The following UBR1 variants were observed in gnomAD, a reference collection of about 807,000 sequenced individuals.
UBR1 encodes ubiquitin protein ligase E3 component n-recognin 1, also known as E3 ubiquitin-protein ligase UBR1.
UBR1 carries 102 observed loss-of-function variants against 242.1 expected under a neutral mutation model. The ratio of observed to expected loss-of-function variants is 0.42; its 90% CI spans 0.36 to 0.50. The LOEUF (loss-of-function observed/expected upper bound fraction) is 0.50. Ranked by LOEUF, UBR1 falls within the 20% of genes least tolerant of loss-of-function variation. UBR1 has a pLI of 0.01. For missense variants in UBR1, 1,772 were observed against 2,101.8 expected, an observed-to-expected ratio of 0.84 and a Z score of 3.07; for synonymous variants, 675 against 684.8, an observed-to-expected ratio of 0.99 and a Z score of 0.22.
chr15:42,997,170 C>T (rs183173344), intron 33 of UBR1, among the ~76,000 whole-genome samples: 1 of 152,268 alleles, frequency 6.6e-6, no homozygotes, highest in Admixed American at 6.5e-5. Context: ...CTCATAGGAG[C>T]GCAAACTCTA....
At chr15:43,056,242 T>C in intron 11 of UBR1, 102 bp downstream of exon 11, 2 of 950,694 alleles carry the variant, frequency 2.1e-6, no homozygotes, top group Non-Finnish European at 3.4e-6. Context: ...CCCAACTTAG[T>C]GATTCTAACA....
chr15:43,074,878 C>A, intron 4 of UBR1, 101 bp downstream of exon 4: 1 of 983,670 alleles, frequency 1.0e-6, no homozygotes, highest in Non-Finnish European at 1.6e-6. Flanking sequence ...AGAATAAAAA[C>A]AGCAGGGTTC....
intron 1 of UBR1, among the ~76,000 whole-genome samples, chr15:43,098,448 A>G (rs2034187301): frequency 6.6e-6 from 1 of 152,260 alleles, no homozygotes; most frequent in Non-Finnish European, 1.5e-5. Flanking sequence ...TTCAATTTGT[A>G]AAGAACTGAT....
chr15:42,948,033 C>T (rs1444103985), intron 46 of UBR1, among the ~76,000 whole-genome samples: 1 of 152,024 alleles, frequency 6.6e-6, no homozygotes, highest in Non-Finnish European at 1.5e-5. Flanking sequence ...GACTTCAAAC[C>T]ATACTACAAG....
intron 5 of UBR1, 147 bp from the exon 6 acceptor site, chr15:43,068,183 G>C: frequency 3.4e-6 from 1 of 294,268 alleles, no homozygotes; most frequent in Non-Finnish European, 6.1e-6. Context: ...TATAGAATTT[G>C]ATTTTTTTTT....
At chr15:42,951,222 C>A (rs1407183595) in intron 45 of UBR1, among the ~76,000 whole-genome samples, 3 of 152,122 alleles carry the variant, frequency 2.0e-5, no homozygotes, top group Admixed American at 1.3e-4. Flanking sequence ...ATATAAGTGA[C>A]TATTTTTCTT....
intron 1 of UBR1, 135 bp downstream of exon 1, chr15:43,105,807 G>C (rs1003489847): frequency 2.0e-5 from 16 of 804,172 alleles, no homozygotes; most frequent in Middle Eastern, 2.3e-4. Flanking sequence ...TTTTTATTCG[G>C]TGGCTTCCTT....
rs1195446217 is a variant in UBR1, at chr15:42,966,163, T to C, written c.4581A>G (p.Glu1527=). The change falls in exon 41 of 47, where the codon GAA becomes GAG. Residue 1527 remains glutamate, a synonymous_variant. Transcript: ENST00000290650. The part of the protein sequence containing the change: ...HYLLGVTPPE[E]LHTNSAEGEY... Reference sequence around the variant, plus strand: ...CATTTTTCTACTTACTGGTATGCAGTTCCTCAGGCGGAGTTACCCCAAGTA... The same window carrying C: ...CATTTTTCTACTTACTGGTATGCAGCTCCTCAGGCGGAGTTACCCCAAGTA... 6.2e-7 allele frequency: 1 copy of C among 1,614,018 alleles called. No individual in the cohort carries two copies. The highest frequency in any genetic ancestry group is 1.3e-5 in the African/African-American group (1 of 74,908).
intron 3 of UBR1, among the ~76,000 whole-genome samples, chr15:43,078,295 G>C (rs1338377035): frequency 2.0e-5 from 3 of 152,142 alleles, no homozygotes; most frequent in Non-Finnish European, 4.4e-5. Flanking sequence ...AACCCCTAAA[G>C]ATGTGGCAAT....
chr15:42,945,494 A>T, intron 46 of UBR1, 24 bp from the exon 47 acceptor site: 5 of 1,613,482 alleles, frequency 3.1e-6, no homozygotes, highest in Non-Finnish European at 4.2e-6. Context: ...AGAAAAAACA[A>T]CATGTAAGTT....
chr15:42,984,843 A>T (rs757117209), intron 36 of UBR1, 44 bp downstream of exon 36: 1 of 1,530,258 alleles, frequency 6.5e-7, no homozygotes, highest in South Asian at 1.1e-5. Context: ...GGGGGGAAAA[A>T]AGGCATGCCA....
intron 12 of UBR1, among the ~76,000 whole-genome samples, chr15:43,049,357 A>C (rs895245110): frequency 1.3e-5 from 2 of 152,136 alleles, no homozygotes; most frequent in African/African-American, 4.8e-5. Context: ...AGGTCAGGAG[A>C]TTGAGACCAT....
At position 42,958,135 on chromosome 15, in the gene UBR1, C is replaced by T. The variant is rs755920100; in HGVS notation, c.4758-45G>A. Reference sequence around the variant, plus strand: ...GCAATTTTATTTTAGAGTAAATAACCCCAGATCAAAAACTGCCCAAAGTGA... The same window carrying T: ...GCAATTTTATTTTAGAGTAAATAACTCCAGATCAAAAACTGCCCAAAGTGA... On this transcript the variant is annotated intron_variant, in intron 43 of 46. Transcript: ENST00000290650. The T allele has an allele frequency of 1.2e-5, 18 of 1,456,424 alleles. No individual in the cohort carries two copies. In the South Asian group the frequency reaches 1.8e-4, roughly 15 times the overall value. The allele number at this position is 1,456,424 out of a possible 1,614,324, so 90.2% of individuals were successfully genotyped here.
At chr15:42,945,495 C>T in intron 46 of UBR1, 25 bp from the exon 47 acceptor site, 1 of 1,613,202 alleles carries the variant, frequency 6.2e-7, no homozygotes, top group Non-Finnish European at 8.5e-7. Context: ...GAAAAAACAA[C>T]ATGTAAGTTT....
At chr15:42,967,923 AAATATATATTATG>A (rs1385496560) in intron 40 of UBR1, among the ~76,000 whole-genome samples, 2 of 150,300 alleles carry the variant, frequency 1.3e-5, no homozygotes, top group Non-Finnish European at 3.0e-5. Flanking sequence ...ATAAGATTTT[AAATATATATTATG>A]AATATATATA....
chr15:43,068,164 TA>T (rs1411388502), intron 5 of UBR1, 128 bp from the exon 6 acceptor site: 8 of 439,802 alleles, frequency 1.8e-5, no homozygotes, highest in Non-Finnish European at 1.6e-5. Context: ...AGTAACACCA[TA>T]AAAGTAATAT....
At chr15:43,082,463 T>C (rs1449997981) in intron 3 of UBR1, among the ~76,000 whole-genome samples, 175 bp downstream of exon 3, 28 of 152,212 alleles carry the variant, frequency 1.8e-4, no homozygotes. Flanking sequence ...AAATTACTCC[T>C]TTTTTCTTTT....
intron 46 of UBR1, among the ~76,000 whole-genome samples, chr15:42,945,916 T>C (rs907163308): frequency 1.3e-5 from 2 of 152,228 alleles, no homozygotes; most frequent in Non-Finnish European, 2.9e-5. Context: ...TGGTTGTAAC[T>C]GTCCTTACGA....
chr15:43,058,433 T>C lies in UBR1; in HGVS notation c.1094-4A>G, dbSNP rs371895935. 1.6e-4 allele frequency: 262 copies of C among 1,608,256 alleles called. No homozygotes were observed. The highest frequency in any genetic ancestry group is 2.0e-4 in the Non-Finnish European group (235 of 1,176,602). ...TCATGAAGGATCTTACGGGCACCTATAGATTATTTTGGGGAGGGTGGGGGA... is the reference window on the plus strand; with the variant it reads ...TCATGAAGGATCTTACGGGCACCTACAGATTATTTTGGGGAGGGTGGGGGA... On this transcript the variant is annotated splice_region_variant and splice_polypyrimidine_tract_variant and intron_variant, in intron 9 of 46. Transcript: ENST00000290650.
Sources: allele counts gnomAD v4.1 joint callset (sites outside exome capture counted in the v4.1 genomes callset), GRCh38; gene constraint gnomAD v4.1.1; transcripts MANE v1.5; gene names NCBI Gene and HGNC (gene_info 2026-07-23, HGNC 2026-07-21).